SCMH1: variants seen among roughly 807,000 people sequenced by gnomAD.
SCMH1 encodes Scm polycomb group protein homolog 1.
In SCMH1, 37 loss-of-function variants were observed where a neutral mutation model predicts 70.8. The observed-to-expected ratio is 0.52, with a 90% CI of 0.40 to 0.69. The LOEUF (loss-of-function observed/expected upper bound fraction) is 0.69, where lower values mean the gene tolerates loss of function less well. Among genes scored for constraint, SCMH1 ranks in the 30% least tolerant of loss-of-function variants. The pLI is 0.00. For synonymous variants in SCMH1, 292 were observed against 307.4 expected, an observed-to-expected ratio of 0.95 and a Z score of 0.52; for missense variants, 607 against 827.3, an observed-to-expected ratio of 0.73 and a Z score of 3.27.
At chr1:41,239,311 C>T (rs1240384226) in intron 1 of SCMH1, among the ~76,000 whole-genome samples, 3 of 152,194 alleles carry the variant, frequency 2.0e-5, no homozygotes, top group Admixed American at 6.5e-5. Context: ...GCTGTTTTCT[C>T]TGTTTGAAGG....
chr1:41,190,088 C>G (rs917553251), intron 1 of SCMH1, among the ~76,000 whole-genome samples: 2 of 152,174 alleles, frequency 1.3e-5, no homozygotes, highest in Admixed American at 6.5e-5. Flanking sequence ...GATGACAGTC[C>G]TGGATGCTCC....
chr1:41,159,796 G>T (rs1645868778), intron 4 of SCMH1: 3 of 1,484,538 alleles, frequency 2.0e-6, no homozygotes. Flanking sequence ...AATGTCAGAA[G>T]ATTTGACTTT....
chr1:41,087,922 CTATA>C (rs1425282186), intron 8 of SCMH1, among the ~76,000 whole-genome samples: 1 of 149,866 alleles, frequency 6.7e-6, no homozygotes, highest in Non-Finnish European at 1.5e-5. Context: ...AATCTATACA[CTATA>C]TATAGTTTCT....
At chr1:41,109,763 G>C (rs771734735) in intron 8 of SCMH1, among the ~76,000 whole-genome samples, 1 of 152,194 alleles carries the variant, frequency 6.6e-6, no homozygotes, top group Non-Finnish European at 1.5e-5. Context: ...TTCTCTGGAA[G>C]CATCAGCCAC....
intron 1 of SCMH1, among the ~76,000 whole-genome samples, chr1:41,225,588 C>T (rs900138864): frequency 2.6e-5 from 4 of 152,112 alleles, no homozygotes; most frequent in Non-Finnish European, 2.9e-5. Context: ...CCAATTCCAT[C>T]CAAAGGAATT....
chr1:41,036,995 A>G (rs537744517), intron 13 of SCMH1, among the ~76,000 whole-genome samples: 54 of 151,684 alleles, frequency 3.6e-4, no homozygotes, highest in Non-Finnish European at 6.8e-4. Flanking sequence ...ATTGTTTAAT[A>G]ATTATCTGTT....
At position 41,070,591 on chromosome 1, in the gene SCMH1, T is replaced by G. The variant is rs1393170588; in HGVS notation, c.1105+4A>C. Reference sequence around the variant, plus strand: ...GCGCAGGTAGTCCTGTCATCTGCTCTTACCTGTTGGGGCCTGCATGGCTGA... The same window carrying G: ...GCGCAGGTAGTCCTGTCATCTGCTCGTACCTGTTGGGGCCTGCATGGCTGA... On this transcript the variant is annotated splice_donor_region_variant and intron_variant, in intron 10 of 14. Transcript: ENST00000337495. 1.4e-5 allele frequency: 23 copies of G among 1,614,012 alleles called. No homozygotes were observed. The highest frequency in any genetic ancestry group is 1.8e-5 in the Non-Finnish European group (21 of 1,179,982).
chr1:41,048,974 A>C (rs1647161984), intron 10 of SCMH1, 84 bp from the exon 11 acceptor site: 2 of 1,274,970 alleles, frequency 1.6e-6, no homozygotes, highest in Middle Eastern at 2.0e-4. Context: ...CATCTTTTAT[A>C]CCTTGGCCTC....
intron 1 of SCMH1, among the ~76,000 whole-genome samples, chr1:41,227,944 C>A (rs1222474469): frequency 6.6e-6 from 1 of 152,128 alleles, no homozygotes. Flanking sequence ...TGAGATTGCA[C>A]CATTGCACTC....
chr1:41,106,378 C>T lies in SCMH1; in HGVS notation c.745+6905G>A, dbSNP rs1667925317. 2.0e-5 allele frequency among the ~76,000 whole-genome samples: 3 copies of T among 151,708 alleles called. No individual in the cohort carries two copies. In the South Asian group the frequency reaches 6.2e-4, roughly 31 times the overall value. On this transcript the variant is annotated intron_variant, in intron 8 of 14. Transcript: ENST00000337495. ...ACCCCCCTCCCCACACTGCCATCTG[C>T]CTGCTCCAGCTTTGCCTTCTACCAT...
intron 6 of SCMH1, among the ~76,000 whole-genome samples, chr1:41,132,183 A>G (rs558107491): frequency 2.1e-3 from 320 of 152,186 alleles, no homozygotes; most frequent in Non-Finnish European, 3.5e-3. Context: ...AAGTGTTCCT[A>G]TTTCTCCACA....
chr1:41,112,621 TAGC>T (rs571432587), intron 8 of SCMH1, among the ~76,000 whole-genome samples: 51 of 152,256 alleles, frequency 3.3e-4, no homozygotes, highest in Admixed American at 5.9e-4. Flanking sequence ...ATAACTATAA[TAGC>T]AGCAGTAATA....
rs1199103388 is a variant in SCMH1, at chr1:41,102,749, C to G, written c.745+10534G>C. 2.6e-5 allele frequency among the ~76,000 whole-genome samples: 4 copies of G among 152,142 alleles called. No homozygotes were observed. In the East Asian group the frequency reaches 7.7e-4, roughly 29 times the overall value. On this transcript the variant is annotated intron_variant, in intron 8 of 14. Coordinates refer to ENST00000337495, the Ensembl canonical transcript of SCMH1. ...TAAGATGATTCAGGAGCAGTTTCGG[C>G]AAGTGGAGGGCTATATTTTCTTAGA...
intron 6 of SCMH1, among the ~76,000 whole-genome samples, chr1:41,138,519 T>G (rs1457977835): frequency 6.6e-6 from 1 of 152,232 alleles, no homozygotes; most frequent in East Asian, 1.9e-4. Flanking sequence ...TTTTATTCTC[T>G]TGGCTTTTTA....
chr1:41,182,623 A>G (rs72665622), intron 2 of SCMH1, among the ~76,000 whole-genome samples: 16,269 of 152,088 alleles, frequency 0.11, 994 homozygotes, highest in South Asian at 0.18. Context: ...CGATGGGAGG[A>G]TTGCTTGAGC....
At chr1:41,237,400 G>C (rs1451560137) in intron 1 of SCMH1, among the ~76,000 whole-genome samples, 1 of 152,006 alleles carries the variant, frequency 6.6e-6, no homozygotes, top group Admixed American at 6.6e-5. Flanking sequence ...TTTCAAGTGT[G>C]GAATTTCTTA....
At chr1:41,189,279 A>G (rs1651059798) in intron 1 of SCMH1, among the ~76,000 whole-genome samples, 1 of 152,136 alleles carries the variant, frequency 6.6e-6, no homozygotes, top group South Asian at 2.1e-4. Flanking sequence ...CCTCCTGAGT[A>G]GCTGGGATGA....
rs959248755 is a variant in SCMH1, at chr1:41,081,326, C to G, written c.746-5875G>C. 4.5e-4 allele frequency among the ~76,000 whole-genome samples: 69 copies of G among 152,266 alleles called. 1 individual carries two copies. The highest frequency in any genetic ancestry group is 4.6e-4 in the Admixed American group (7 of 15,300). On this transcript the variant is annotated intron_variant, in intron 8 of 14. Transcript: ENST00000337495. The stretch of plus-strand genomic sequence containing the variant: ...AACTCTCATCAAACTGATCTAGAGT[C>G]AATGCAATTCCAATAGAAATCTCAG...
intron 10 of SCMH1, among the ~76,000 whole-genome samples, chr1:41,063,590 C>A (rs372823122): frequency 1.5e-4 from 22 of 151,162 alleles, no homozygotes; most frequent in Admixed American, 1.1e-3. Context: ...AACAAAAAAA[C>A]AAAACAAACA....
Sources: allele counts gnomAD v4.1 joint callset (sites outside exome capture counted in the v4.1 genomes callset), GRCh38; gene constraint gnomAD v4.1.1; transcripts MANE v1.5; gene names NCBI Gene and HGNC (gene_info 2026-07-23, HGNC 2026-07-21).